MYOCOS: variants seen among roughly 807,000 people sequenced by gnomAD.
MYOCOS encodes the protein myocilin opposite strand protein.
upstream of MYOCOS, among the ~76,000 whole-genome samples, chr1:171,619,961 A>G (rs1275125144): frequency 1.3e-5 from 2 of 151,062 alleles, no homozygotes; most frequent in East Asian, 3.9e-4. Context: ...TCAGACTCCA[A>G]GTTCTTCAGT....
At chr1:171,619,045 A>G (rs959401128), upstream of MYOCOS, among the ~76,000 whole-genome samples, 2 of 152,184 alleles carry the variant, frequency 1.3e-5, no homozygotes, top group Non-Finnish European at 2.9e-5. Flanking sequence ...ATTAGTAACG[A>G]CATCTTGTAG....
Position 171,606,495 on chromosome 1 carries a change from A to C in MYOCOS, c.-252+5415A>C, listed in dbSNP as rs565553694. Among the ~76,000 whole-genome samples the C allele has an allele frequency of 1.8e-3, 267 of 152,336 alleles. 1 individual carries two copies. The highest frequency in any genetic ancestry group is 2.6e-3 in the Non-Finnish European group (179 of 68,034). On this transcript the variant is annotated intron_variant, in intron 1 of 3. Coordinates refer to the MYOCOS transcript ENST00000636697. ...CTGGCCTGCCTGGCCTAAACCCAGT[A>C]GTTAAAAATCAACTCCTGACTTAGA...
At chr1:171,609,255 G>T (rs1432896066) in intron 1 of MYOCOS, among the ~76,000 whole-genome samples, 1 of 152,238 alleles carries the variant, frequency 6.6e-6, no homozygotes, top group East Asian at 1.9e-4. Flanking sequence ...TGTACTAAAA[G>T]ATCCATCACA....
At chr1:171,626,230 A>C (rs1452844580) in intron 2 of MYOCOS, among the ~76,000 whole-genome samples, 1 of 151,908 alleles carries the variant, frequency 6.6e-6, no homozygotes, top group East Asian at 1.9e-4. Context: ...CCACAGGTGC[A>C]TGCTACCATG....
At chr1:171,601,295 T>C (rs890001559) in intron 1 of MYOCOS, among the ~76,000 whole-genome samples, 6 of 152,214 alleles carry the variant, frequency 3.9e-5, no homozygotes, top group African/African-American at 1.4e-4. Flanking sequence ...ACTTTTGTTC[T>C]GGTTTTGACT....
In MYOCOS at chr1:171,623,687, C is replaced by T. The variant is rs138241838; in HGVS notation, c.-43-154C>T. ...TTTGAGGAAATATCTGCCTCTTGACCTTGGGGGGAAGGGGGATGAAGGCCA... is the reference window on the plus strand; with the variant it reads ...TTTGAGGAAATATCTGCCTCTTGACTTTGGGGGGAAGGGGGATGAAGGCCA... On this transcript the variant is annotated intron_variant, in intron 1 of 2. Coordinates refer to ENST00000637642, the MANE Select transcript of MYOCOS (RefSeq NM_001391940.1). 4.6e-5 allele frequency among the ~76,000 whole-genome samples: 7 copies of T among 152,192 alleles called. No homozygotes were observed. The East Asian group carries it at 1.2e-3, about 25-fold the overall frequency.
At chr1:171,614,367 G>A (rs1349330094) in intron 1 of MYOCOS, among the ~76,000 whole-genome samples, 1 of 152,206 alleles carries the variant, frequency 6.6e-6, no homozygotes, top group Non-Finnish European at 1.5e-5. Flanking sequence ...GGAGAATTAA[G>A]TAAGTAGGTT....
At chr1:171,621,425 G>C (rs1361872600), upstream of MYOCOS, among the ~76,000 whole-genome samples, 1 of 130,480 alleles carries the variant, frequency 7.7e-6, no homozygotes. Context: ...AACCAGGCTA[G>C]AGTGCAGTGG....
At chr1:171,615,302 G>C (rs1652427529) in intron 2 of MYOCOS, among the ~76,000 whole-genome samples, 1 of 152,170 alleles carries the variant, frequency 6.6e-6, no homozygotes, top group Non-Finnish European at 1.5e-5. Flanking sequence ...ATAAGAAGTG[G>C]CTGGATTCTA....
At chr1:171,621,499 C>G (rs185870082), upstream of MYOCOS, among the ~76,000 whole-genome samples, 1 of 151,672 alleles carries the variant, frequency 6.6e-6, no homozygotes, top group African/African-American at 2.4e-5. Flanking sequence ...CCTCAGCCTC[C>G]TGAGTAGCTG....
chr1:171,616,701 A>G (rs1027945220), intron 2 of MYOCOS, among the ~76,000 whole-genome samples: 1 of 152,170 alleles, frequency 6.6e-6, no homozygotes, highest in Non-Finnish European at 1.5e-5. Context: ...ATATTGGTTG[A>G]GTTCAGGAGA....
chr1:171,626,533 C>G lies in MYOCOS; in HGVS notation c.175C>G (p.His59Asp), dbSNP rs1652706521. Residue 59 changes from histidine (H) to aspartate (D), a missense_variant, in exon 3 of 3, where the codon CAC becomes GAC. By Grantham distance (81) the His-to-Asp change is moderately conservative. Coordinates refer to ENST00000637642, the MANE Select transcript of MYOCOS (RefSeq NM_001391940.1). ...GGATTTGGAGCAAGCCCCTCCCCCT[C>G]ACAGGACCTACCTCACAGTACCTCC... The part of the protein sequence containing the change: ...HLDLEQAPPP[H>D]RTYLTVPPAP... 2.5e-6 allele frequency: 1 copy of G among 398,702 alleles called. No individual in the cohort carries two copies. The highest frequency in any genetic ancestry group is 3.6e-5 in the East Asian group (1 of 28,090). 24.7% of individuals were successfully genotyped at this position (398,702 alleles called of 1,614,324 possible). A position where few individuals can be genotyped will look rare whatever the true frequency, so the allele number is the denominator to read the frequency against.
upstream of MYOCOS, among the ~76,000 whole-genome samples, chr1:171,619,791 G>A (rs112479555): frequency 0.04 from 5,979 of 148,518 alleles, 373 homozygotes; most frequent in African/African-American, 0.14. Flanking sequence ...AGCCGACACC[G>A]CTGCATTCCA....
chr1:171,623,204 A>C lies in MYOCOS; in HGVS notation c.-43-637A>C, dbSNP rs560001717. On this transcript the variant is annotated intron_variant, in intron 1 of 2. Transcript: ENST00000637642. Reference sequence around the variant, plus strand: ...AGAGCCAGACCCTGTTTCAAAAAGAAAAGGGGGTGGGGGGCAACAAAGTAA... The same window carrying C: ...AGAGCCAGACCCTGTTTCAAAAAGACAAGGGGGTGGGGGGCAACAAAGTAA... Among the ~76,000 whole-genome samples, 288 of 152,164 alleles carry C rather than the reference A, an allele frequency of 1.9e-3. 1 individual carries two copies. The highest frequency in any genetic ancestry group is 2.9e-3 in the Non-Finnish European group (194 of 67,974).
chr1:171,609,018 A>C (rs924688445), intron 1 of MYOCOS, among the ~76,000 whole-genome samples: 1 of 152,106 alleles, frequency 6.6e-6, no homozygotes, highest in Non-Finnish European at 1.5e-5. Context: ...AACCTGAAGA[A>C]GATTAGTGGG....
chr1:171,606,958 G>T (rs1652255707), intron 1 of MYOCOS, among the ~76,000 whole-genome samples: 1 of 152,032 alleles, frequency 6.6e-6, no homozygotes, highest in African/African-American at 2.4e-5. Context: ...GCTGGGTGTG[G>T]TGGCAGGTGC....
chr1:171,620,006 C>A (rs181221387), upstream of MYOCOS, among the ~76,000 whole-genome samples: 48 of 149,988 alleles, frequency 3.2e-4, no homozygotes, highest in East Asian at 7.8e-3. Flanking sequence ...TACTCCTCAG[C>A]TTGCAGACAG....
At chr1:171,621,834 T>G (rs1432063077), upstream of MYOCOS, among the ~76,000 whole-genome samples, 1 of 152,104 alleles carries the variant, frequency 6.6e-6, no homozygotes, top group Non-Finnish European at 1.5e-5. Context: ...AGACCCTGTC[T>G]CAATAATTAC....
At chr1:171,613,889 CTT>C (rs1553253655) in intron 1 of MYOCOS, among the ~76,000 whole-genome samples, 2 of 152,126 alleles carry the variant, frequency 1.3e-5, no homozygotes, top group Non-Finnish European at 2.9e-5. Context: ...ATGAAAGCCT[CTT>C]TATATGCTGC....
Sources: allele counts gnomAD v4.1 joint callset (sites outside exome capture counted in the v4.1 genomes callset), GRCh38; gene constraint gnomAD v4.1.1; transcripts MANE v1.5; gene names NCBI Gene and HGNC (gene_info 2026-07-23, HGNC 2026-07-21).